The following MCTP1 variants were observed in gnomAD, a reference collection of about 807,000 sequenced individuals.
MCTP1 encodes the protein multiple C2 and transmembrane domain-containing protein 1.
Under a neutral mutation model 120.6 loss-of-function variants are expected in MCTP1, and 69 were observed. The observed-to-expected ratio is 0.57, with a 90% CI of 0.47 to 0.70. The LOEUF (loss-of-function observed/expected upper bound fraction) is 0.70, where lower values mean the gene tolerates loss of function less well. Among genes scored for constraint, MCTP1 ranks in the 30% least tolerant of loss-of-function variants. The pLI is 0.00. For missense variants in MCTP1, 1,203 were observed against 1,248.8 expected, an observed-to-expected ratio of 0.96 and a Z score of 0.55; for synonymous variants, 529 against 493.1, an observed-to-expected ratio of 1.07 and a Z score of -0.96.
At chr5:95,128,170 T>C (rs890172326) in intron 1 of MCTP1, among the ~76,000 whole-genome samples, 1 of 152,208 alleles carries the variant, frequency 6.6e-6, no homozygotes, top group Admixed American at 6.5e-5. Flanking sequence ...CCTGCACTTG[T>C]CTAAAGCTCC....
At chr5:94,886,545 G>A (rs568683687) in intron 12 of MCTP1, among the ~76,000 whole-genome samples, 16 of 152,252 alleles carry the variant, frequency 1.1e-4, no homozygotes, top group Admixed American at 2.0e-4. Context: ...GAAATCAACC[G>A]TGTATCTTAC....
intron 1 of MCTP1, among the ~76,000 whole-genome samples, chr5:95,236,826 T>C (rs1343647125): frequency 1.3e-5 from 2 of 152,184 alleles, no homozygotes; most frequent in African/African-American, 4.8e-5. Flanking sequence ...GAGATTTCAC[T>C]GAATCCTGAT....
intron 1 of MCTP1, among the ~76,000 whole-genome samples, chr5:95,120,884 A>T (rs1015255209): frequency 6.6e-6 from 1 of 152,214 alleles, no homozygotes; most frequent in African/African-American, 2.4e-5. Context: ...GGAAAGGAAG[A>T]AGTCAAATTA....
At chr5:94,906,350 G>A (rs185578620) in intron 10 of MCTP1, among the ~76,000 whole-genome samples, 57 of 152,280 alleles carry the variant, frequency 3.7e-4, no homozygotes, top group Middle Eastern at 3.4e-3. Context: ...GCCGGGCATG[G>A]TGGTGCATGC....
intron 19 of MCTP1, among the ~76,000 whole-genome samples, chr5:94,778,708 G>A (rs904981438): frequency 2.0e-5 from 3 of 152,050 alleles, no homozygotes; most frequent in Non-Finnish European, 2.9e-5. Context: ...AATTACAGAT[G>A]ACAATATCCA....
intron 1 of MCTP1, among the ~76,000 whole-genome samples, chr5:95,148,321 C>CCTT (rs55943027): frequency 0.77 from 116,541 of 151,910 alleles, 45,059 homozygotes; most frequent in Non-Finnish European, 0.82. Flanking sequence ...TACTCTCTCT[C>CCTT]CTTTCTCAGG....
At position 94,893,004 on chromosome 5, in the gene MCTP1, C is replaced by T. The variant is rs1487176111; in HGVS notation, c.1839+1645G>A. Among the ~76,000 whole-genome samples, 3 of 152,090 alleles carry T rather than the reference C, an allele frequency of 2.0e-5. No individual in the cohort carries two copies. In the East Asian group the frequency reaches 5.8e-4, roughly 29 times the overall value. ...GTATGTCTCTAGAGGGAGGTATAGG[C>T]CTCTGCCTGAAATTCAAGGCTGAAA... is the stretch of plus-strand genomic sequence containing the variant. On this transcript the variant is annotated intron_variant, in intron 11 of 22. Transcript: ENST00000515393.
chr5:95,063,237 T>C (rs928149126), intron 1 of MCTP1, among the ~76,000 whole-genome samples: 2 of 152,222 alleles, frequency 1.3e-5, no homozygotes, highest in African/African-American at 2.4e-5. Flanking sequence ...TACATGGTGA[T>C]CTTGTGGAAT....
chr5:95,173,512 T>C (rs905698043), intron 1 of MCTP1, among the ~76,000 whole-genome samples: 1 of 152,108 alleles, frequency 6.6e-6, no homozygotes, highest in African/African-American at 2.4e-5. Context: ...GTTTATAAAG[T>C]AAAGGTTAAA....
chr5:94,864,446 T>A (rs574067868), intron 17 of MCTP1, among the ~76,000 whole-genome samples: 1 of 151,984 alleles, frequency 6.6e-6, no homozygotes, highest in South Asian at 2.1e-4. Context: ...AAATTTAAAT[T>A]CTACCTTTTT....
intron 12 of MCTP1, among the ~76,000 whole-genome samples, chr5:94,881,749 G>C (rs1453129959): frequency 6.6e-6 from 1 of 152,110 alleles, no homozygotes; most frequent in Non-Finnish European, 1.5e-5. Flanking sequence ...ACCAAGCTCA[G>C]GTTAGTGGCT....
chr5:94,963,573 C>T (rs988639527), intron 2 of MCTP1, among the ~76,000 whole-genome samples: 1 of 151,416 alleles, frequency 6.6e-6, no homozygotes, highest in Non-Finnish European at 1.5e-5. Context: ...TGTTGAGGAC[C>T]TTTTCTTATG....
intron 17 of MCTP1, among the ~76,000 whole-genome samples, chr5:94,807,559 T>A (rs1472423951): frequency 6.6e-6 from 1 of 152,184 alleles, no homozygotes; most frequent in Non-Finnish European, 1.5e-5. Context: ...ACCAATTGCC[T>A]CCTTAAATCC....
At chr5:94,911,805 C>T (rs1808660813) in intron 9 of MCTP1, among the ~76,000 whole-genome samples, 1 of 152,058 alleles carries the variant, frequency 6.6e-6, no homozygotes, top group African/African-American at 2.4e-5. Context: ...ATTATTACTA[C>T]TACTATAATT....
At chr5:94,757,485 T>G (rs377208511) in intron 19 of MCTP1, among the ~76,000 whole-genome samples, 57 of 152,278 alleles carry the variant, frequency 3.7e-4, no homozygotes, top group African/African-American at 1.2e-3. Context: ...GTGCTACTGG[T>G]AGAAATCCAT....
Position 94,894,667 on chromosome 5 carries a change from C to T in MCTP1, c.1821G>A (p.Glu607=). ...VNSLEDQKER[E]EILKRYSPLR... Reference sequence around the variant, plus strand: ...TACGTACATATCTCTTTAATATCTCCTCTCGTTCCTTCTGGTCCTCCAGGG... The same window carrying T: ...TACGTACATATCTCTTTAATATCTCTTCTCGTTCCTTCTGGTCCTCCAGGG... The change falls in exon 11 of 23, where the codon GAG becomes GAA. Residue 607 remains glutamate (E), a synonymous_variant. Transcript: ENST00000515393. The T allele has an allele frequency of 1.2e-6, 2 of 1,608,518 alleles. No homozygotes were observed. The highest frequency in any genetic ancestry group is 1.7e-6 in the Non-Finnish European group (2 of 1,175,646).
chr5:94,709,910 C>T (rs530834971), intron 21 of MCTP1: 1 of 152,190 alleles, frequency 6.6e-6, no homozygotes, highest in Admixed American at 6.6e-5. Context: ...GACTTGAACT[C>T]ACTTTATTCC....
At chr5:94,871,657 A>G (rs77253425) in intron 13 of MCTP1, among the ~76,000 whole-genome samples, 1,690 of 152,206 alleles carry the variant, frequency 0.011, 20 homozygotes, top group East Asian at 0.044. Flanking sequence ...TCAAGTTATC[A>G]TTTTTTAATG....
intron 8 of MCTP1, among the ~76,000 whole-genome samples, chr5:94,914,895 T>C (rs968088589): frequency 1.3e-5 from 2 of 152,208 alleles, no homozygotes; most frequent in Non-Finnish European, 2.9e-5. Context: ...CAACTTATTA[T>C]TATATAATCC....
Sources: gnomAD v4.1 joint callset for allele counts (sites outside exome capture counted in the v4.1 genomes callset) on GRCh38, gnomAD v4.1.1 for gene constraint, MANE v1.5 for transcripts, NCBI Gene and HGNC (gene_info 2026-07-23, HGNC 2026-07-21) for gene names.